SLC44A3: variants seen among roughly 807,000 people sequenced by gnomAD.
SLC44A3 encodes the protein solute carrier family 44 member 3.
In SLC44A3, 74 loss-of-function variants were observed where a neutral mutation model predicts 75.4. The observed-to-expected ratio is 0.98, with a 90% CI of 0.81 to 1.19. SLC44A3 has a LOEUF of 1.19. Among genes scored for constraint, SLC44A3 ranks in the 50% most tolerant of loss-of-function variants. The probability of loss-of-function intolerance (pLI) is 0.00; values close to 1 mark genes in which losing one functional copy is unlikely to be tolerated. For missense variants in SLC44A3, 700 were observed against 778.6 expected, an observed-to-expected ratio of 0.90 and a Z score of 1.20; for synonymous variants, 310 against 296.9, an observed-to-expected ratio of 1.04 and a Z score of -0.45.
chr1:94,848,697 G>A (rs1664783393), intron 9 of SLC44A3, among the ~76,000 whole-genome samples: 1 of 152,138 alleles, frequency 6.6e-6, no homozygotes, highest in African/African-American at 2.4e-5. Flanking sequence ...GTAGGGAACA[G>A]GATTGAGGTC....
rs1343111812 is a variant in SLC44A3, at chr1:94,891,265, A to C, written c.1618A>C (p.Lys540Gln). The C allele has an allele frequency of 2.5e-6, 4 of 1,603,496 alleles. No homozygotes were observed. In the South Asian group the frequency reaches 3.4e-5, roughly 13 times the overall value. The change falls in exon 13 of 15, where the codon AAG (lysine) becomes CAG (glutamine). Residue 540 changes from lysine (K) to glutamine (Q), a missense_variant and splice_region_variant. Lys to Gln is a moderately conservative substitution (Grantham distance 53). Transcript: ENST00000271227. ...CFGDFIIFLG[K>Q]VLVVCFTVFG... is the part of the protein sequence containing the mutation. ...TGGAGACTTCATAATTTTTCTAGGA[A>C]AGGTGAGATATCTTGACTAAATAAA...
chr1:94,886,640 G>T (rs1326716851), intron 12 of SLC44A3, among the ~76,000 whole-genome samples: 1 of 152,054 alleles, frequency 6.6e-6, no homozygotes, highest in African/African-American at 2.4e-5. Context: ...TCTGCTCTTT[G>T]TGGCCCTCAC....
chr1:94,839,898 C>G (rs763983442), intron 6 of SLC44A3, 50 bp from the exon 7 acceptor site: 10 of 1,337,544 alleles, frequency 7.5e-6, no homozygotes, highest in Non-Finnish European at 1.1e-5. Flanking sequence ...CCATCATCTC[C>G]CCTATCCTTT....
chr1:94,840,103 A>G (rs1663382472), intron 7 of SLC44A3, 66 bp downstream of exon 7: 1 of 1,408,412 alleles, frequency 7.1e-7, no homozygotes, highest in Non-Finnish European at 1.0e-6. Context: ...TTAAGTACAG[A>G]ACTTAAAAGT....
At chr1:94,837,603 A>C in intron 5 of SLC44A3, 108 bp from the exon 6 acceptor site, 3 of 1,124,726 alleles carry the variant, frequency 2.7e-6, no homozygotes, top group Non-Finnish European at 3.6e-6. Flanking sequence ...ACGCCTCTCT[A>C]TTACTGTAGT....
intron 9 of SLC44A3, among the ~76,000 whole-genome samples, chr1:94,850,713 G>A (rs1571281983): frequency 6.6e-6 from 1 of 152,308 alleles, no homozygotes; most frequent in East Asian, 1.9e-4. Flanking sequence ...AGGAGGCTGA[G>A]ATGAGACAAG....
rs767937067 is a variant in SLC44A3, at chr1:94,837,806, A to G, written c.605A>G (p.His202Arg). 1 of 1,612,794 alleles carries G rather than the reference A, an allele frequency of 6.2e-7. No homozygotes were observed. Among genetic ancestry groups the G allele is most frequent in the South Asian group, 1.1e-5 (1 of 90,774 alleles). ...SVLINDVDTL[H>R]RILSGIMSGR... The stretch of plus-strand genomic sequence containing the variant: ...TTGATAAATGATGTTGACACCCTCC[A>G]CCGAATTCTAAGTGGAATCATGTCG... Residue 202 changes from histidine to arginine, a missense_variant, in exon 6 of 15, where the codon CAC becomes CGC. Transcript: ENST00000271227.
At chr1:94,849,298 C>A (rs961836935) in intron 9 of SLC44A3, among the ~76,000 whole-genome samples, 3 of 152,152 alleles carry the variant, frequency 2.0e-5, no homozygotes, top group African/African-American at 7.2e-5. Context: ...CATCTATGAG[C>A]AGGTCGATTT....
chr1:94,837,615 C>T (rs1428080077), intron 5 of SLC44A3, 96 bp from the exon 6 acceptor site: 4 of 1,289,962 alleles, frequency 3.1e-6, no homozygotes, highest in East Asian at 2.7e-5. Flanking sequence ...TACTGTAGTT[C>T]TTAAGCTTTT....
At position 94,822,481 on chromosome 1, in the gene SLC44A3, G is replaced by C. The variant is rs76855886; in HGVS notation, c.135+1425G>C. Reference sequence around the variant, plus strand: ...AGGTATTTAAAACAGAGCAAGGAGTGTTTTGTTTTTGGACTTTTTTTTCTG... The same window carrying C: ...AGGTATTTAAAACAGAGCAAGGAGTCTTTTGTTTTTGGACTTTTTTTTCTG... On this transcript the variant is annotated intron_variant, in intron 2 of 14. Transcript: ENST00000271227. Among the ~76,000 whole-genome samples, 763 of 152,258 alleles carry C rather than the reference G, an allele frequency of 5.0e-3. 7 individuals are homozygous for C. The highest frequency in any genetic ancestry group is 0.017 in the African/African-American group (691 of 41,550).
chr1:94,828,339 T>G (rs575788766), intron 4 of SLC44A3, among the ~76,000 whole-genome samples, 154 bp from the exon 5 acceptor site: 2 of 152,352 alleles, frequency 1.3e-5, no homozygotes, highest in South Asian at 4.1e-4. Context: ...AGGCCCTCAC[T>G]AGACCTCAGA....
intron 12 of SLC44A3, among the ~76,000 whole-genome samples, chr1:94,876,172 C>G (rs933607960): frequency 6.6e-6 from 1 of 152,218 alleles, no homozygotes; most frequent in Non-Finnish European, 1.5e-5. Context: ...GGGGAGGTGC[C>G]TCAGAGTGGA....
intron 12 of SLC44A3, among the ~76,000 whole-genome samples, chr1:94,882,520 A>G (rs1669115633): frequency 6.6e-6 from 1 of 152,032 alleles, no homozygotes; most frequent in African/African-American, 2.4e-5. Flanking sequence ...CCTTTCCACC[A>G]CTGATTATGC....
chr1:94,878,473 A>G (rs926236697), intron 12 of SLC44A3, among the ~76,000 whole-genome samples: 2 of 152,142 alleles, frequency 1.3e-5, no homozygotes, highest in African/African-American at 2.4e-5. Context: ...CATATACCAA[A>G]AGGAGCAGGG....
intron 3 of SLC44A3, chr1:94,825,726 A>G (rs1013677986): frequency 2.5e-6 from 1 of 394,828 alleles, no homozygotes; most frequent in African/African-American, 2.1e-5. Context: ...GTCACCAAAT[A>G]CAAATCTCAG....
intron 14 of SLC44A3, among the ~76,000 whole-genome samples, 192 bp downstream of exon 14, chr1:94,892,709 GA>G (rs989553254): frequency 2.0e-5 from 3 of 152,118 alleles, no homozygotes; most frequent in African/African-American, 7.2e-5. Flanking sequence ...CCCTTTCTGA[GA>G]ACCTTCTCCC....
intron 12 of SLC44A3, among the ~76,000 whole-genome samples, chr1:94,887,976 T>G (rs10874897): frequency 0.1 from 15,887 of 152,266 alleles, 939 homozygotes; most frequent in African/African-American, 0.16. Flanking sequence ...AGATCATCTT[T>G]GGTGATGTCT....
At chr1:94,839,466 C>T (rs1663280416) in intron 6 of SLC44A3, among the ~76,000 whole-genome samples, 1 of 151,972 alleles carries the variant, frequency 6.6e-6, no homozygotes, top group Non-Finnish European at 1.5e-5. Flanking sequence ...TGGCTCACTG[C>T]CAACCTCTGC....
intron 8 of SLC44A3, among the ~76,000 whole-genome samples, chr1:94,844,349 T>A (rs1484193979): frequency 1.3e-5 from 2 of 152,190 alleles, no homozygotes; most frequent in East Asian, 3.9e-4. Context: ...CAATAACTGA[T>A]GTGCTTATTC....
Sources: allele counts gnomAD v4.1 joint callset (sites outside exome capture counted in the v4.1 genomes callset), GRCh38; gene constraint gnomAD v4.1.1; transcripts MANE v1.5; gene names NCBI Gene and HGNC (gene_info 2026-07-23, HGNC 2026-07-21).